Variants in HSDL2 observed in about 807,000 individuals in gnomAD.
The protein encoded by HSDL2 is hydroxysteroid dehydrogenase like 2.
HSDL2 carries 27 observed loss-of-function variants against 46.3 expected under a neutral mutation model. That is an observed-to-expected ratio of 0.58 (90% CI 0.43 to 0.80). The LOEUF (loss-of-function observed/expected upper bound fraction) is 0.80. HSDL2 is among the 30% of genes least tolerant of loss of function. The probability of loss-of-function intolerance (pLI) is 0.00; values close to 1 mark genes in which losing one functional copy is unlikely to be tolerated. For missense variants in HSDL2, 451 were observed against 502.7 expected, an observed-to-expected ratio of 0.90 and a Z score of 0.98; for synonymous variants, 153 against 163.6, an observed-to-expected ratio of 0.94 and a Z score of 0.50.
In HSDL2 at chr9:112,470,825, A is replaced by C. The variant is rs750561013; in HGVS notation, c.*281A>C. The C allele has an allele frequency of 5.0e-6, 1 of 199,022 alleles. No individual in the cohort carries two copies. The highest frequency in any genetic ancestry group is 5.9e-5 in the Admixed American group (1 of 16,852). The allele number at this position is 199,022 out of a possible 1,614,324, so 12.3% of individuals were successfully genotyped here. The stretch of plus-strand genomic sequence containing the variant: ...ATCTCATTCACTGTCTTTCTCCAAG[A>C]AAAGTATTTTGGGCGGACAGTCAGA... On this transcript the variant is annotated 3_prime_UTR_variant, in exon 11 of 11. Coordinates refer to ENST00000398805, the MANE Select transcript of HSDL2 (RefSeq NM_032303.5).
At chr9:112,435,657 A>G (rs1349226821) in intron 6 of HSDL2, among the ~76,000 whole-genome samples, 1 of 152,126 alleles carries the variant, frequency 6.6e-6, no homozygotes, top group Non-Finnish European at 1.5e-5. Context: ...AAAATAGGTA[A>G]CAGCATGCCT....
intron 10 of HSDL2, among the ~76,000 whole-genome samples, chr9:112,461,380 C>T (rs1461057466): frequency 6.6e-6 from 1 of 152,036 alleles, no homozygotes; most frequent in Non-Finnish European, 1.5e-5. Flanking sequence ...CGCCCGGCCC[C>T]TTTAATGATT....
chr9:112,388,192 G>A (rs954065658), intron 1 of HSDL2, among the ~76,000 whole-genome samples: 3 of 151,914 alleles, frequency 2.0e-5, no homozygotes, highest in Non-Finnish European at 2.9e-5. Context: ...CCCAGGCACA[G>A]TGGCTCATGC....
intron 8 of HSDL2, among the ~76,000 whole-genome samples, chr9:112,452,087 G>A (rs1296907105): frequency 6.6e-6 from 1 of 152,052 alleles, no homozygotes; most frequent in Non-Finnish European, 1.5e-5. Flanking sequence ...AATAAAACAG[G>A]CTAAAAAAAT....
chr9:112,401,574 G>A (rs909669778), intron 1 of HSDL2, among the ~76,000 whole-genome samples: 3 of 152,048 alleles, frequency 2.0e-5, no homozygotes, highest in East Asian at 1.9e-4. Context: ...TAGCTCCAGG[G>A]CCACACACAG....
At chr9:112,436,548 T>C (rs949921637) in intron 6 of HSDL2, among the ~76,000 whole-genome samples, 5 of 152,144 alleles carry the variant, frequency 3.3e-5, no homozygotes, top group South Asian at 4.1e-4. Flanking sequence ...GATGAAAATA[T>C]GTAAGTTATT....
At chr9:112,404,308 C>A in intron 2 of HSDL2, 150 bp downstream of exon 2, 1 of 717,676 alleles carries the variant, frequency 1.4e-6, no homozygotes, top group Non-Finnish European at 2.2e-6. Context: ...CACCTTGGGG[C>A]AGTGCTTCTG....
chr9:112,436,242 C>CAAA (rs527930574), intron 6 of HSDL2, among the ~76,000 whole-genome samples: 12 of 77,628 alleles, frequency 1.5e-4, no homozygotes, highest in South Asian at 4.4e-4. Context: ...GACCCTATCT[C>CAAA]AAAAAAAAAA....
intron 1 of HSDL2, among the ~76,000 whole-genome samples, chr9:112,399,927 G>GACC (rs1021903344): frequency 2.6e-5 from 4 of 152,194 alleles, no homozygotes; most frequent in African/African-American, 4.8e-5. Context: ...GTCCTGAGGT[G>GACC]ACGTACATCC....
At chr9:112,462,116 T>C (rs1833227737) in intron 10 of HSDL2, among the ~76,000 whole-genome samples, 1 of 152,198 alleles carries the variant, frequency 6.6e-6, no homozygotes, top group Non-Finnish European at 1.5e-5. Context: ...GAATTCTCTT[T>C]GATGAGACCA....
chr9:112,426,500 T>C (rs1832249925), intron 6 of HSDL2, among the ~76,000 whole-genome samples: 1 of 152,164 alleles, frequency 6.6e-6, no homozygotes, highest in Non-Finnish European at 1.5e-5. Context: ...TCTCCCAAAG[T>C]GCTGGGATTA....
chr9:112,462,736 TATAA>T (rs1313789285), intron 10 of HSDL2, among the ~76,000 whole-genome samples: 6 of 152,076 alleles, frequency 3.9e-5, no homozygotes, highest in Non-Finnish European at 7.4e-5. Flanking sequence ...CCATCCTAAG[TATAA>T]ATGATTTTTA....
chr9:112,464,978 G>A (rs1162668106), intron 10 of HSDL2, among the ~76,000 whole-genome samples: 3 of 151,970 alleles, frequency 2.0e-5, no homozygotes, highest in South Asian at 2.1e-4. Flanking sequence ...TCTGACTTTC[G>A]TATGAACTGA....
In HSDL2 at chr9:112,454,136, A is replaced by C. The variant is rs751075509; in HGVS notation, c.989A>C (p.Gln330Pro). 2 of 1,613,882 alleles carry C rather than the reference A, an allele frequency of 1.2e-6. No individual in the cohort carries two copies. Among genetic ancestry groups the C allele is most frequent in the East Asian group, 4.5e-5 (2 of 44,878 alleles). The change falls in exon 9 of 11, where the codon CAA becomes CCA. Residue 330 changes from glutamine (Q) to proline (P), a missense_variant. Transcript: ENST00000398805. ...SLSDDVVKAT[Q>P]AIYLFELSGE... is the part of the protein sequence containing the mutation. ...AGTGATGATGTTGTTAAAGCCACTC[A>C]AGCAATCTATCTGTTTGAACTCTCC...
intron 4 of HSDL2, among the ~76,000 whole-genome samples, chr9:112,412,175 T>C (rs563170749): frequency 6.6e-6 from 1 of 152,328 alleles, no homozygotes; most frequent in South Asian, 2.1e-4. Context: ...ACTGGTTAAG[T>C]ATAATGCAGA....
intron 7 of HSDL2, among the ~76,000 whole-genome samples, chr9:112,440,709 C>T (rs1007206796): frequency 6.6e-6 from 1 of 152,022 alleles, no homozygotes; most frequent in African/African-American, 2.4e-5. Context: ...CCCATCTCTA[C>T]AAAAAATAAA....
intron 8 of HSDL2, among the ~76,000 whole-genome samples, chr9:112,444,929 G>GTGCAA (rs1210991343): frequency 1.3e-5 from 2 of 149,682 alleles, no homozygotes; most frequent in East Asian, 4.0e-4. Flanking sequence ...CCAAGCTGGA[G>GTGCAA]TGCAGTGGCT....
At chr9:112,454,258 G>C in intron 9 of HSDL2, 96 bp downstream of exon 9, 1 of 951,592 alleles carries the variant, frequency 1.1e-6, no homozygotes, top group Non-Finnish European at 1.6e-6. Flanking sequence ...CCCCTGGATA[G>C]TTGGCTGCAT....
chr9:112,447,261 T>C (rs1313925525), intron 8 of HSDL2, among the ~76,000 whole-genome samples: 1 of 152,214 alleles, frequency 6.6e-6, no homozygotes, highest in Non-Finnish European at 1.5e-5. Flanking sequence ...GTCTGATGGC[T>C]GCACCTTTAA....
Sources: allele counts gnomAD v4.1 joint callset (sites outside exome capture counted in the v4.1 genomes callset), GRCh38; gene constraint gnomAD v4.1.1; transcripts MANE v1.5; gene names NCBI Gene and HGNC (gene_info 2026-07-23, HGNC 2026-07-21).